ROBO2: variants seen among roughly 807,000 people sequenced by gnomAD.
ROBO2 encodes roundabout guidance receptor 2, also known as roundabout homolog 2.
ROBO2 carries 53 observed loss-of-function variants against 160.8 expected under a neutral mutation model. The ratio of observed to expected loss-of-function variants is 0.33; its 90% CI spans 0.26 to 0.41. The LOEUF (loss-of-function observed/expected upper bound fraction) is 0.41, where lower values mean the gene tolerates loss of function less well. ROBO2 is among the 10% of genes least tolerant of loss of function. The probability of loss-of-function intolerance (pLI) is 1.00; values close to 1 mark genes in which losing one functional copy is unlikely to be tolerated. For missense variants in ROBO2, 1,577 were observed against 1,722.4 expected (o/e 0.92, Z 1.49); for synonymous variants, 664 against 611.7 (o/e 1.09, Z -1.26).
intron 1 of ROBO2, among the ~76,000 whole-genome samples, chr3:75,918,160 G>C (rs868078164): frequency 6.6e-6 from 1 of 152,090 alleles, no homozygotes; most frequent in African/African-American, 2.4e-5. Flanking sequence ...GGTTTTTATA[G>C]TTTTAGGTTT....
intron 2 of ROBO2, among the ~76,000 whole-genome samples, chr3:76,983,525 GA>G (rs1170515216): frequency 6.6e-6 from 1 of 151,954 alleles, no homozygotes; most frequent in Admixed American, 6.6e-5. Flanking sequence ...TGTCTATATT[GA>G]TTTCATTCAC....
chr3:77,292,567 G>T (rs1205188850), intron 2 of ROBO2, among the ~76,000 whole-genome samples: 1 of 151,574 alleles, frequency 6.6e-6, no homozygotes, highest in Non-Finnish European at 1.5e-5. Context: ...AAGTAAAATT[G>T]ATGGTTAAAT....
At chr3:77,207,220 G>T (rs919560280) in intron 2 of ROBO2, among the ~76,000 whole-genome samples, 1 of 152,100 alleles carries the variant, frequency 6.6e-6, no homozygotes, top group Non-Finnish European at 1.5e-5. Flanking sequence ...TCTTATAAGA[G>T]ATCTAAAATT....
intron 2 of ROBO2, among the ~76,000 whole-genome samples, chr3:76,208,994 T>C (rs1702978267): frequency 6.6e-6 from 1 of 152,184 alleles, no homozygotes; most frequent in Admixed American, 6.5e-5. Flanking sequence ...TCAAAGACTT[T>C]TTATTACTAC....
chr3:77,198,909 A>G (rs2082559721), intron 2 of ROBO2, among the ~76,000 whole-genome samples: 1 of 152,182 alleles, frequency 6.6e-6, no homozygotes, highest in South Asian at 2.1e-4. Context: ...TCCTAAAAAA[A>G]AAGAAAAAAG....
At chr3:76,320,452 G>GA (rs1044447825) in intron 2 of ROBO2, among the ~76,000 whole-genome samples, 2 of 152,056 alleles carry the variant, frequency 1.3e-5, no homozygotes, top group African/African-American at 4.8e-5. Flanking sequence ...CAGCTATTAG[G>GA]ACAGACCCTA....
intron 2 of ROBO2, among the ~76,000 whole-genome samples, chr3:77,192,519 A>C (rs570392436): frequency 6.6e-6 from 1 of 152,280 alleles, no homozygotes; most frequent in African/African-American, 2.4e-5. Context: ...ACCACTGAGT[A>C]AACATTCTTA....
intron 2 of ROBO2, among the ~76,000 whole-genome samples, chr3:76,208,117 C>T (rs957877342): frequency 2.0e-5 from 3 of 152,112 alleles, no homozygotes; most frequent in East Asian, 1.9e-4. Context: ...TCCCAGAAGC[C>T]GAGCAGATGC....
chr3:76,753,082 A>G (rs529858844), intron 2 of ROBO2, among the ~76,000 whole-genome samples: 70 of 152,036 alleles, frequency 4.6e-4, no homozygotes, highest in Non-Finnish European at 1.5e-4. Flanking sequence ...GTACACACAA[A>G]TCATTTCAGT....
At chr3:77,110,112 C>T (rs1181506930) in intron 2 of ROBO2, among the ~76,000 whole-genome samples, 2 of 152,070 alleles carry the variant, frequency 1.3e-5, no homozygotes, top group African/African-American at 2.4e-5. Flanking sequence ...TGTACAGTTC[C>T]TAGTTGTCAA....
intron 2 of ROBO2, among the ~76,000 whole-genome samples, chr3:77,111,749 C>G (rs2073607986): frequency 6.6e-6 from 1 of 152,122 alleles, no homozygotes; most frequent in African/African-American, 2.4e-5. Context: ...CAAAACATGA[C>G]TTAATGAGTA....
intron 2 of ROBO2, among the ~76,000 whole-genome samples, chr3:76,667,171 G>A (rs898853512): frequency 6.6e-6 from 1 of 152,078 alleles, no homozygotes; most frequent in African/African-American, 2.4e-5. Context: ...AGGGCAGTTA[G>A]ATTTTTAGAA....
At chr3:76,709,612 A>G (rs2093246253) in intron 2 of ROBO2, among the ~76,000 whole-genome samples, 1 of 152,142 alleles carries the variant, frequency 6.6e-6, no homozygotes, top group Non-Finnish European at 1.5e-5. Flanking sequence ...AAAAGGGGTG[A>G]GTGGTTATTT....
chr3:77,642,571 G>T (rs2095364126), intron 24 of ROBO2, 100 bp from the exon 26 acceptor site: 1 of 379,652 alleles, frequency 2.6e-6, no homozygotes. Flanking sequence ...TTTTGTATGG[G>T]TAATACCTGT....
At chr3:77,232,051 G>A (rs184714066) in intron 2 of ROBO2, among the ~76,000 whole-genome samples, 3 of 152,078 alleles carry the variant, frequency 2.0e-5, no homozygotes, top group African/African-American at 7.2e-5. Flanking sequence ...GTTTCTTCTT[G>A]CCGAAATTCC....
chr3:76,558,898 C>T (rs1236008422), intron 2 of ROBO2, among the ~76,000 whole-genome samples: 1 of 152,134 alleles, frequency 6.6e-6, no homozygotes, highest in African/African-American at 2.4e-5. Context: ...GATGGGCTCA[C>T]TTCAATAAAC....
intron 2 of ROBO2, among the ~76,000 whole-genome samples, chr3:77,193,548 T>G (rs1443159076): frequency 6.6e-6 from 1 of 152,094 alleles, no homozygotes; most frequent in Non-Finnish European, 1.5e-5. Flanking sequence ...TTTTGATGAA[T>G]GTGAGAACCT....
chr3:77,284,403 A>G (rs1289288541), intron 2 of ROBO2, among the ~76,000 whole-genome samples: 1 of 152,176 alleles, frequency 6.6e-6, no homozygotes. Flanking sequence ...TGGTAATAAT[A>G]ATGGTACCTA....
chr3:77,333,659 G>A (rs535025195), intron 2 of ROBO2, among the ~76,000 whole-genome samples: 7 of 152,056 alleles, frequency 4.6e-5, no homozygotes, highest in Non-Finnish European at 7.4e-5. Context: ...AAATTTTTAC[G>A]AATGTGTGTC....
Sources: gnomAD v4.1 joint callset for allele counts (sites outside exome capture counted in the v4.1 genomes callset) on GRCh38, gnomAD v4.1.1 for gene constraint, MANE v1.5 for transcripts, NCBI Gene and HGNC (gene_info 2026-07-23, HGNC 2026-07-21) for gene names.